LIMS1: variants seen among roughly 807,000 people sequenced by gnomAD.
The protein encoded by LIMS1 is LIM zinc finger domain containing 1.
A neutral mutation model predicts 44.1 loss-of-function variants in LIMS1; 18 were observed. That is an observed-to-expected ratio of 0.41 (90% CI 0.28 to 0.61). The LOEUF is 0.61. Ranked by LOEUF, LIMS1 falls within the 20% of genes least tolerant of loss-of-function variation. The pLI is 0.32. For missense variants in LIMS1, 201 were observed against 422.0 expected (o/e 0.48, Z 4.59); for synonymous variants, 93 against 149.1 (o/e 0.62, Z 2.74).
intron 1 of LIMS1, among the ~76,000 whole-genome samples, chr2:108,579,626 T>TA (rs748863506): frequency 1.1e-4 from 16 of 152,366 alleles, no homozygotes; most frequent in Non-Finnish European, 1.8e-4. Flanking sequence ...AAACTTGTGT[T>TA]ACACTTCCCT....
At chr2:108,669,097 A>T (rs1233939821) in intron 2 of LIMS1, among the ~76,000 whole-genome samples, 1 of 152,206 alleles carries the variant, frequency 6.6e-6, no homozygotes, top group African/African-American at 2.4e-5. Context: ...AATATATTAC[A>T]GCTTATTCAT....
At chr2:108,569,345 G>T (rs1366877251) in intron 1 of LIMS1, among the ~76,000 whole-genome samples, 2 of 152,142 alleles carry the variant, frequency 1.3e-5, no homozygotes, top group Admixed American at 6.5e-5. Flanking sequence ...GTTTGATATA[G>T]TTCCATTTGT....
intron 1 of LIMS1, among the ~76,000 whole-genome samples, chr2:108,553,155 A>G (rs1466596392): frequency 6.6e-6 from 1 of 152,196 alleles, no homozygotes; most frequent in East Asian, 1.9e-4. Context: ...ACTTTCTAGC[A>G]TGGTCTTCCA....
intron 1 of LIMS1, among the ~76,000 whole-genome samples, chr2:108,556,948 C>T (rs1045191024): frequency 2.0e-5 from 3 of 152,360 alleles, no homozygotes; most frequent in Middle Eastern, 3.4e-3. Context: ...TGCCTTTGCT[C>T]ACTAGAAGCA....
chr2:108,593,520 A>C (rs1467998518), intron 1 of LIMS1, among the ~76,000 whole-genome samples: 1 of 152,244 alleles, frequency 6.6e-6, no homozygotes, highest in East Asian at 1.9e-4. Context: ...ACACAGAATG[A>C]TATCCAGATG....
intron 2 of LIMS1, chr2:108,660,572 T>C (rs1395535142): frequency 3.2e-6 from 1 of 316,728 alleles, no homozygotes; most frequent in East Asian, 9.1e-5. Flanking sequence ...TAGCTGGGGC[T>C]ACAGGCACGT....
At chr2:108,578,563 GTCTTAGT>G (rs1392772444) in intron 1 of LIMS1, among the ~76,000 whole-genome samples, 2 of 143,470 alleles carry the variant, frequency 1.4e-5, no homozygotes, top group Non-Finnish European at 3.1e-5. Context: ...AGAAATGTTT[GTCTTAGT>G]TCATGGAATG....
chr2:108,659,914 C>G (rs1323391101), intron 2 of LIMS1, 150 bp downstream of exon 2: 1 of 838,858 alleles, frequency 1.2e-6, no homozygotes, highest in East Asian at 2.7e-5. Context: ...GCTGTGAGGT[C>G]AGAGGTGGCA....
chr2:108,564,353 A>G (rs912994899), intron 1 of LIMS1, among the ~76,000 whole-genome samples: 4 of 152,236 alleles, frequency 2.6e-5, no homozygotes, highest in Non-Finnish European at 5.9e-5. Flanking sequence ...ATAATTTTAT[A>G]TGCACTGAGA....
intron 1 of LIMS1, among the ~76,000 whole-genome samples, chr2:108,535,651 A>G (rs1033812462): frequency 6.6e-6 from 1 of 152,220 alleles, no homozygotes; most frequent in Non-Finnish European, 1.5e-5. Flanking sequence ...TTTCATTAGG[A>G]AAGTCTTTAT....
chr2:108,568,086 T>C lies in LIMS1; in HGVS notation c.32+33492T>C, dbSNP rs187033174. On this transcript the variant is annotated intron_variant, in intron 1 of 9. Transcript: ENST00000544547. ...TTCAGTGCTTAATATTAGAAGTGTT[T>C]TGGGTATTTCGAAGTTTGGTGATAT... Among the ~76,000 whole-genome samples the C allele has an allele frequency of 7.4e-4, 113 of 152,330 alleles. 2 individuals are homozygous for C. The highest frequency in any genetic ancestry group is 3.4e-3 in the Middle Eastern group (1 of 294).
rs193023851 is a variant in LIMS1 at position 108,583,059 on chromosome 2, A to T, written c.32+48465A>T. 5.3e-3 allele frequency among the ~76,000 whole-genome samples: 804 copies of T among 151,926 alleles called. 21 individuals are homozygous for T. The highest frequency in any genetic ancestry group is 1.3e-3 in the Non-Finnish European group (85 of 67,940). On this transcript the variant is annotated intron_variant, in intron 1 of 9. Coordinates refer to ENST00000544547, the Ensembl canonical transcript of LIMS1. ...TTTTTTGTTTTGTTTTGTTTTTTAG[A>T]TGGAGTTTCATTCTTATTGCCCAGG... is the stretch of plus-strand genomic sequence containing the variant.
intron 2 of LIMS1, among the ~76,000 whole-genome samples, chr2:108,665,302 G>C (rs2438778): frequency 2.6e-5 from 4 of 152,198 alleles, no homozygotes; most frequent in African/African-American, 7.2e-5. Context: ...AACCTGTACA[G>C]CATGTTACTA....
chr2:108,605,076 A>G lies in LIMS1; in HGVS notation c.33-54529A>G, dbSNP rs541390567. On this transcript the variant is annotated intron_variant, in intron 1 of 9. Coordinates refer to ENST00000544547, the Ensembl canonical transcript of LIMS1. Reference sequence around the variant, plus strand: ...CAGGAATGTGTCTTGGGCTCTGGCCATTAGGTACACCTGTATTGGACTGTG... The same window carrying G: ...CAGGAATGTGTCTTGGGCTCTGGCCGTTAGGTACACCTGTATTGGACTGTG... 2.3e-4 allele frequency among the ~76,000 whole-genome samples: 35 copies of G among 152,356 alleles called. No individual in the cohort carries two copies. The South Asian group carries it at 5.2e-3, about 23-fold the overall frequency.
chr2:108,635,561 C>T (rs899916759), intron 1 of LIMS1, among the ~76,000 whole-genome samples: 8 of 150,644 alleles, frequency 5.3e-5, no homozygotes, highest in Non-Finnish European at 8.9e-5. Flanking sequence ...ATTAGTCAGG[C>T]GTGGTGGTGG....
At chr2:108,642,347 T>G (rs1160531612) in intron 1 of LIMS1, among the ~76,000 whole-genome samples, 20 of 10,648 alleles carry the variant, frequency 1.9e-3, no homozygotes, top group African/African-American at 3.9e-3. Context: ...TTTTTGTTTT[T>G]TTTTTTTTTT....
At chr2:108,636,253 G>A (rs1689242679) in intron 1 of LIMS1, among the ~76,000 whole-genome samples, 1 of 152,206 alleles carries the variant, frequency 6.6e-6, no homozygotes, top group Admixed American at 6.5e-5. Flanking sequence ...TCCAATACCA[G>A]AGAAGGCTGT....
exon 10 of LIMS1, chr2:108,683,925 A>G: frequency 6.2e-7 from 1 of 1,604,220 alleles, no homozygotes; most frequent in Admixed American, 1.7e-5. Flanking sequence ...AGTCTGTAAG[A>G]AGTGCTATGA....
At chr2:108,677,080 A>G (rs934917616) in intron 7 of LIMS1, 5 of 183,210 alleles carry the variant, frequency 2.7e-5, no homozygotes, top group African/African-American at 4.7e-5. Flanking sequence ...GTAGTTATCA[A>G]TATTGATACC....
Sources: gnomAD v4.1 joint callset for allele counts (sites outside exome capture counted in the v4.1 genomes callset) on GRCh38, gnomAD v4.1.1 for gene constraint, MANE v1.5 for transcripts, NCBI Gene and HGNC (gene_info 2026-07-23, HGNC 2026-07-21) for gene names.